STAM: variants seen among roughly 807,000 people sequenced by gnomAD.
STAM encodes signal transducing adapter molecule 1.
Under a neutral mutation model 63.4 loss-of-function variants are expected in STAM, and 16 were observed. That is an observed-to-expected ratio of 0.25 (90% CI 0.17 to 0.38). STAM has a LOEUF of 0.38. Ranked by LOEUF, STAM falls within the 10% of genes least tolerant of loss-of-function variation. STAM has a pLI of 1.00. For missense variants in STAM, 636 were observed against 657.1 expected (o/e 0.97, Z 0.35); for synonymous variants, 238 against 223.9 (o/e 1.06, Z -0.56).
intron 7 of STAM, chr10:17,696,515 G>C (rs200632229): frequency 2.9e-6 from 1 of 345,156 alleles, no homozygotes; most frequent in East Asian, 4.8e-5. Context: ...TCGTATTGGT[G>C]CCTCTTTTTT....
At chr10:17,682,034 C>T (rs1285304399) in intron 2 of STAM, among the ~76,000 whole-genome samples, 3 of 152,188 alleles carry the variant, frequency 2.0e-5, no homozygotes, top group Non-Finnish European at 4.4e-5. Context: ...TGTGATTTAT[C>T]TACAACAAAG....
intron 9 of STAM, among the ~76,000 whole-genome samples, chr10:17,700,563 C>T (rs538035671): frequency 1.3e-5 from 2 of 150,388 alleles, no homozygotes; most frequent in South Asian, 4.2e-4. Context: ...AGGTTGTTTA[C>T]AGTTTTTACA....
rs201917144 is a variant in STAM at position 17,687,505 on chromosome 10, AAAAAG to A, written c.298-508_298-504del. On this transcript the variant is annotated intron_variant, in intron 4 of 13. Transcript: ENST00000377524. ...CTCTGTCTCAAAAAACAAACCAAAAAAAAAGAAAAGAAAAGAAAGGAAAAAAAGTT... is the reference window on the plus strand; with the variant it reads ...CTCTGTCTCAAAAAACAAACCAAAAAAAAAGAAAAGAAAGGAAAAAAAGTT... 1.3e-4 allele frequency among the ~76,000 whole-genome samples: 20 copies of A among 151,768 alleles called. No individual in the cohort carries two copies. In the South Asian group the frequency reaches 3.1e-3, roughly 24 times the overall value.
chr10:17,698,440 A>C (rs1223400053), intron 8 of STAM, among the ~76,000 whole-genome samples: 5 of 150,212 alleles, frequency 3.3e-5, no homozygotes, highest in Non-Finnish European at 7.4e-5. Context: ...TTTTTAAGTC[A>C]TATAGCAATG....
chr10:17,679,270 A>C (rs782558957), intron 2 of STAM, among the ~76,000 whole-genome samples: 5 of 152,124 alleles, frequency 3.3e-5, no homozygotes, highest in African/African-American at 4.8e-5. Context: ...AGTGAGTGTG[A>C]AGTGGCATCT....
At chr10:17,703,008 C>CAAAAAAAAAAAAA (rs71507229) in intron 9 of STAM, among the ~76,000 whole-genome samples, 14 of 67,808 alleles carry the variant, frequency 2.1e-4, no homozygotes, top group East Asian at 5.0e-4. Flanking sequence ...GACTCCATCT[C>CAAAAAAAAAAAAA]AAAAAAAAAA....
intron 5 of STAM, among the ~76,000 whole-genome samples, chr10:17,691,781 T>C (rs1554826818): frequency 6.6e-6 from 1 of 152,222 alleles, no homozygotes; most frequent in African/African-American, 2.4e-5. Flanking sequence ...TTCTAAGTGC[T>C]GTACATGTGG....
At position 17,715,036 on chromosome 10, in the gene STAM, G is replaced by A. The variant is rs1249638130; in HGVS notation, c.*256G>A. The A allele has an allele frequency of 4.3e-6, 2 of 463,162 alleles. No homozygotes were observed. Among genetic ancestry groups the A allele is most frequent in the Non-Finnish European group, 7.9e-6 (2 of 252,510 alleles). The allele number at this position is 463,162 out of a possible 1,614,324, so 28.7% of individuals were successfully genotyped here. ...TCATAATATGAAAGAATTGATACAA[G>A]GCTATTTGTCTCGTAAACCTGGTCT... On this transcript the variant is annotated 3_prime_UTR_variant, in exon 14 of 14. Coordinates refer to ENST00000377524, the MANE Select transcript of STAM (RefSeq NM_003473.4).
At position 17,708,784 on chromosome 10, in the gene STAM, A is replaced by G. The variant is rs374511706; in HGVS notation, c.1218A>G (p.Ala406=). ...CTCTTTAACCATCGCAGGTGTATGCAGGGCCTCCTCCAAGTGGTGCCTACC... is the reference window on the plus strand; with the variant it reads ...CTCTTTAACCATCGCAGGTGTATGCGGGGCCTCCTCCAAGTGGTGCCTACC... ...SSGVSGSQVY[A]GPPPSGAYLV... is the part of the protein sequence containing the mutation. Residue 406 remains alanine, a synonymous_variant, in exon 13 of 14, where the codon GCA becomes GCG. Transcript: ENST00000377524. The G allele has an allele frequency of 6.2e-7, 1 of 1,612,968 alleles. No individual in the cohort carries two copies.
At position 17,644,398 on chromosome 10, in the gene STAM, C is replaced by T. The variant is rs1833437014; in HGVS notation, c.40+19C>T. 3.1e-6 allele frequency: 5 copies of T among 1,613,942 alleles called. 1 individual carries two copies. The African/African-American group carries it at 4.0e-5, about 13-fold the overall frequency. The stretch of plus-strand genomic sequence containing the variant: ...GATGTTGGTAAGTGTTTTTGCCTCT[C>T]CCTGCCCATTCCTCACCGGACTGCA... On this transcript the variant is annotated intron_variant, in intron 1 of 13. Transcript: ENST00000377524.
intron 2 of STAM, among the ~76,000 whole-genome samples, chr10:17,661,655 A>G (rs920168480): frequency 2.4e-4 from 37 of 152,200 alleles, no homozygotes; most frequent in Non-Finnish European, 5.3e-4. Context: ...TCTATTAATG[A>G]CAAGATGATT....
At chr10:17,682,160 A>G (rs1835114504) in intron 2 of STAM, among the ~76,000 whole-genome samples, 1 of 152,184 alleles carries the variant, frequency 6.6e-6, no homozygotes, top group East Asian at 1.9e-4. Context: ...AGTTCCTTCC[A>G]CCTTATGCAA....
chr10:17,685,618 G>T (rs1194888750), intron 4 of STAM, among the ~76,000 whole-genome samples: 1 of 152,186 alleles, frequency 6.6e-6, no homozygotes, highest in Admixed American at 6.5e-5. Flanking sequence ...CAACATACTT[G>T]ATCTTTTAGT....
chr10:17,685,487 A>G (rs138152016), intron 4 of STAM, among the ~76,000 whole-genome samples: 191 of 152,352 alleles, frequency 1.3e-3, no homozygotes, highest in African/African-American at 4.4e-3. Context: ...AAAAAGAGGC[A>G]CTAAATGCCA....
At chr10:17,676,731 G>C (rs1834871972) in intron 2 of STAM, among the ~76,000 whole-genome samples, 1 of 152,164 alleles carries the variant, frequency 6.6e-6, no homozygotes, top group African/African-American at 2.4e-5. Context: ...CTGCCATAGA[G>C]AATGAATTAT....
intron 2 of STAM, among the ~76,000 whole-genome samples, chr10:17,670,938 C>T (rs183397872): frequency 3.4e-4 from 51 of 152,124 alleles, no homozygotes; most frequent in African/African-American, 1.1e-3. Flanking sequence ...ATAAAGATTG[C>T]ATTATTTCTG....
At chr10:17,679,102 G>C (rs1171125977) in intron 2 of STAM, among the ~76,000 whole-genome samples, 1 of 152,114 alleles carries the variant, frequency 6.6e-6, no homozygotes, top group Non-Finnish European at 1.5e-5. Context: ...GTCCCAGCTG[G>C]ATTATATGTG....
At chr10:17,705,810 G>A in intron 12 of STAM, 69 bp downstream of exon 12, 2 of 1,475,160 alleles carry the variant, frequency 1.4e-6, no homozygotes, top group South Asian at 2.7e-5. Flanking sequence ...GCTCATGCCT[G>A]TAATCTCAGC....
intron 2 of STAM, among the ~76,000 whole-genome samples, 158 bp from the exon 3 acceptor site, chr10:17,684,517 C>G (rs1313923782): frequency 6.6e-6 from 1 of 151,672 alleles, no homozygotes; most frequent in East Asian, 1.9e-4. Context: ...TTTAAAGGAA[C>G]TAGTTTACAG....
Sources: gnomAD v4.1 joint callset for allele counts (sites outside exome capture counted in the v4.1 genomes callset) on GRCh38, gnomAD v4.1.1 for gene constraint, MANE v1.5 for transcripts, NCBI Gene and HGNC (gene_info 2026-07-23, HGNC 2026-07-21) for gene names.